RALGPS2: variants seen among roughly 807,000 people sequenced by gnomAD.
The protein encoded by RALGPS2 is ras-specific guanine nucleotide-releasing factor RalGPS2.
A neutral mutation model predicts 86.8 loss-of-function variants in RALGPS2; 43 were observed. The observed-to-expected ratio is 0.50, with a 90% CI of 0.39 to 0.64. The LOEUF (loss-of-function observed/expected upper bound fraction) is 0.64, where lower values mean the gene tolerates loss of function less well. Ranked by LOEUF, RALGPS2 falls within the 30% of genes least tolerant of loss-of-function variation. The probability of loss-of-function intolerance (pLI) is 0.00; values close to 1 mark genes in which losing one functional copy is unlikely to be tolerated. For synonymous variants in RALGPS2, 243 were observed against 231.3 expected (o/e 1.05, Z -0.46); for missense variants, 536 against 694.6 (o/e 0.77, Z 2.57).
intron 8 of RALGPS2, chr1:178,850,915 A>G (rs115329078): frequency 2.5e-6 from 1 of 395,442 alleles, no homozygotes; most frequent in Non-Finnish European, 4.4e-6. Flanking sequence ...TAATTTTTAA[A>G]ATAACTAGGT....
intron 1 of RALGPS2, among the ~76,000 whole-genome samples, chr1:178,731,469 G>A (rs919574368): frequency 9.9e-5 from 15 of 151,690 alleles, no homozygotes; most frequent in Non-Finnish European, 1.6e-4. Flanking sequence ...TTTTGGTAGA[G>A]ATGGTGTTTC....
intron 4 of RALGPS2, among the ~76,000 whole-genome samples, chr1:178,793,240 A>AT (rs1382853677): frequency 6.6e-6 from 1 of 151,888 alleles, no homozygotes; most frequent in Non-Finnish European, 1.5e-5. Flanking sequence ...TGGCCTTGAA[A>AT]TTTTTTTTAA....
intron 1 of RALGPS2, among the ~76,000 whole-genome samples, chr1:178,754,810 A>T (rs546204206): frequency 2.6e-5 from 4 of 152,208 alleles, no homozygotes; most frequent in South Asian, 2.1e-4. Flanking sequence ...TGTTTGTTTG[A>T]TTGTTTTGAG....
At chr1:178,781,020 A>G (rs1245110760) in intron 2 of RALGPS2, among the ~76,000 whole-genome samples, 2 of 151,764 alleles carry the variant, frequency 1.3e-5, no homozygotes, top group East Asian at 1.9e-4. Flanking sequence ...TGTTATATAT[A>G]TATATATGTA....
intron 1 of RALGPS2, chr1:178,746,927 T>G (rs1651364773): frequency 9.2e-7 from 1 of 1,081,834 alleles, no homozygotes; most frequent in African/African-American, 1.5e-5. Context: ...AGTCATTATT[T>G]TGTTTGGTGA....
intron 8 of RALGPS2, chr1:178,870,775 C>G (rs1658707982): frequency 2.6e-5 from 4 of 152,126 alleles, no homozygotes. Context: ...AATCCAGAAA[C>G]TTGCTGCCCT....
At chr1:178,848,060 G>C (rs1656953762) in intron 8 of RALGPS2, among the ~76,000 whole-genome samples, 1 of 152,152 alleles carries the variant, frequency 6.6e-6, no homozygotes, top group Admixed American at 6.6e-5. Flanking sequence ...TGTAATCCCA[G>C]TGCTTAGGGA....
At chr1:178,796,283 A>G (rs1401684547) in intron 4 of RALGPS2, among the ~76,000 whole-genome samples, 1 of 151,926 alleles carries the variant, frequency 6.6e-6, no homozygotes, top group Non-Finnish European at 1.5e-5. Context: ...AGAAGGGTTT[A>G]TATATATATA....
At chr1:178,909,643 ATTTTTT>A (rs57890269) in intron 19 of RALGPS2, among the ~76,000 whole-genome samples, 3 of 72,382 alleles carry the variant, frequency 4.1e-5, no homozygotes, top group Admixed American at 1.8e-4. Flanking sequence ...TTCTTTTTTA[ATTTTTT>A]TTTTTTTTTT....
intron 8 of RALGPS2, chr1:178,851,164 T>G: frequency 6.2e-7 from 1 of 1,613,936 alleles, no homozygotes; most frequent in Non-Finnish European, 8.5e-7. Flanking sequence ...TGAACTGCTC[T>G]TAAGGAGTAT....
At chr1:178,907,235 G>C (rs1384891478) in intron 19 of RALGPS2, among the ~76,000 whole-genome samples, 2 of 152,210 alleles carry the variant, frequency 1.3e-5, no homozygotes, top group Non-Finnish European at 2.9e-5. Context: ...GAGGAGAGCA[G>C]AGTGCTGTGT....
Position 178,765,814 on chromosome 1 carries a change from C to T in RALGPS2, c.-83-10868C>T, listed in dbSNP as rs550077014. Among the ~76,000 whole-genome samples the T allele has an allele frequency of 7.2e-5, 11 of 152,250 alleles. No individual in the cohort carries two copies. In the South Asian group the frequency reaches 1.7e-3, roughly 23 times the overall value. ...TTGCTTGCTGAGAAAAAGAATTCAGCGATACTTCTCCTATTTGCTTTTGAA... is the reference window on the plus strand; with the variant it reads ...TTGCTTGCTGAGAAAAAGAATTCAGTGATACTTCTCCTATTTGCTTTTGAA... On this transcript the variant is annotated intron_variant, in intron 1 of 19. Coordinates refer to ENST00000367635, the MANE Select transcript of RALGPS2 (RefSeq NM_152663.5).
At chr1:178,859,207 G>T (rs1409639134) in intron 8 of RALGPS2, among the ~76,000 whole-genome samples, 1 of 151,862 alleles carries the variant, frequency 6.6e-6, no homozygotes, top group Non-Finnish European at 1.5e-5. Flanking sequence ...TTTTCCAACA[G>T]CACCTTGGCT....
chr1:178,852,771 T>A, intron 8 of RALGPS2: 1 of 1,613,962 alleles, frequency 6.2e-7, no homozygotes, highest in Non-Finnish European at 8.5e-7. Flanking sequence ...CCTGGTAAGT[T>A]CCCAGGCGCA....
chr1:178,727,084 G>GATCTAA (rs1262891409), intron 1 of RALGPS2, among the ~76,000 whole-genome samples: 1 of 152,220 alleles, frequency 6.6e-6, no homozygotes, highest in Admixed American at 6.5e-5. Flanking sequence ...TTTTGAGGCA[G>GATCTAA]ATCTAAATAT....
chr1:178,871,523 C>T (rs1413284620), intron 8 of RALGPS2, among the ~76,000 whole-genome samples: 4 of 151,494 alleles, frequency 2.6e-5, no homozygotes, highest in Admixed American at 6.6e-5. Flanking sequence ...AAACATTTTA[C>T]TAAGTTGCTA....
chr1:178,898,972 A>G (rs1241434153), intron 17 of RALGPS2, among the ~76,000 whole-genome samples: 1 of 151,992 alleles, frequency 6.6e-6, no homozygotes, highest in African/African-American at 2.4e-5. Flanking sequence ...CAGTTCAATT[A>G]AATCCTTAGC....
intron 13 of RALGPS2, among the ~76,000 whole-genome samples, chr1:178,887,436 C>T (rs1381424943): frequency 6.6e-6 from 1 of 152,158 alleles, no homozygotes; most frequent in Non-Finnish European, 1.5e-5. Context: ...GCCTGGATCA[C>T]AGAGCGAGAT....
chr1:178,823,706 G>A (rs1234276756), intron 7 of RALGPS2, among the ~76,000 whole-genome samples: 1 of 152,142 alleles, frequency 6.6e-6, no homozygotes, highest in Non-Finnish European at 1.5e-5. Context: ...CAAAGAGGTG[G>A]CATGAATCAG....
Sources: gnomAD v4.1 joint callset for allele counts (sites outside exome capture counted in the v4.1 genomes callset) on GRCh38, gnomAD v4.1.1 for gene constraint, MANE v1.5 for transcripts, NCBI Gene and HGNC (gene_info 2026-07-23, HGNC 2026-07-21) for gene names.